VPS54: variants seen among roughly 807,000 people sequenced by gnomAD.
The protein encoded by VPS54 is vacuolar protein sorting-associated protein 54.
A neutral mutation model predicts 121.5 loss-of-function variants in VPS54; 45 were observed. The ratio of observed to expected loss-of-function variants is 0.37; its 90% CI spans 0.29 to 0.47. VPS54 has a LOEUF of 0.47. Among genes scored for constraint, VPS54 ranks in the 20% least tolerant of loss-of-function variants. The pLI is 0.99. For missense variants in VPS54, 1,090 were observed against 1,131.4 expected, an observed-to-expected ratio of 0.96 and a Z score of 0.52; for synonymous variants, 371 against 385.8, an observed-to-expected ratio of 0.96 and a Z score of 0.45.
At chr2:63,916,652 T>C (rs150590269) in intron 16 of VPS54, among the ~76,000 whole-genome samples, 4 of 152,166 alleles carry the variant, frequency 2.6e-5, no homozygotes, top group African/African-American at 9.6e-5. Context: ...AGATTTCTTG[T>C]TATATGAGAA....
At chr2:64,001,096 G>C (rs989693916) in intron 1 of VPS54, among the ~76,000 whole-genome samples, 2 of 152,166 alleles carry the variant, frequency 1.3e-5, no homozygotes, top group Non-Finnish European at 2.9e-5. Flanking sequence ...CATGAGACAC[G>C]GTCATTCCCA....
chr2:64,010,152 G>A (rs1678362708), intron 1 of VPS54, among the ~76,000 whole-genome samples: 1 of 151,944 alleles, frequency 6.6e-6, no homozygotes, highest in African/African-American at 2.4e-5. Context: ...CCATATAATT[G>A]ACTTATAAAT....
intron 7 of VPS54, among the ~76,000 whole-genome samples, chr2:63,949,995 T>C (rs1675164441): frequency 6.6e-6 from 1 of 152,190 alleles, no homozygotes; most frequent in Non-Finnish European, 1.5e-5. Flanking sequence ...CCTCATTGTC[T>C]GGCATTGGTT....
At chr2:63,931,672 A>C (rs1302933705) in intron 12 of VPS54, among the ~76,000 whole-genome samples, 3 of 152,252 alleles carry the variant, frequency 2.0e-5, no homozygotes, top group Non-Finnish European at 2.9e-5. Context: ...AATTAAACGG[A>C]AGAGCTTCTG....
chr2:64,013,977 G>C (rs2104711830), intron 1 of VPS54, among the ~76,000 whole-genome samples: 1 of 148,972 alleles, frequency 6.7e-6, no homozygotes, highest in South Asian at 2.1e-4. Flanking sequence ...TAGATCACAA[G>C]GTCAGGAGTT....
intron 9 of VPS54, 21 bp downstream of exon 9, chr2:63,947,362 C>A: frequency 2.0e-6 from 3 of 1,518,566 alleles, no homozygotes; most frequent in South Asian, 2.4e-5. Flanking sequence ...CAAAATATGT[C>A]AAATAAAAAT....
chr2:63,936,437 A>G (rs1007614327), intron 11 of VPS54, among the ~76,000 whole-genome samples: 6 of 152,220 alleles, frequency 3.9e-5, no homozygotes, highest in African/African-American at 1.2e-4. Context: ...CAAAAACACC[A>G]GGACAGCTAA....
At chr2:63,990,928 T>G (rs2104642354) in intron 1 of VPS54, among the ~76,000 whole-genome samples, 1 of 152,338 alleles carries the variant, frequency 6.6e-6, no homozygotes, top group Middle Eastern at 3.4e-3. Context: ...TGAGGTCATT[T>G]TGCTTCCTTT....
chr2:63,975,024 A>T (rs939446455), intron 3 of VPS54: 3 of 1,549,466 alleles, frequency 1.9e-6, no homozygotes, highest in Non-Finnish European at 2.6e-6. Context: ...TAGTTTCCCC[A>T]TTAGCTACAG....
chr2:63,967,664 A>G (rs1462383517), intron 5 of VPS54, among the ~76,000 whole-genome samples: 1 of 141,728 alleles, frequency 7.1e-6, no homozygotes, highest in Non-Finnish European at 1.5e-5. Context: ...GGTTGCAGTG[A>G]GCCAAGATTG....
intron 1 of VPS54, among the ~76,000 whole-genome samples, chr2:64,005,949 T>C (rs1055018903): frequency 6.6e-6 from 1 of 152,118 alleles, no homozygotes; most frequent in Non-Finnish European, 1.5e-5. Flanking sequence ...TAAACCACCA[T>C]ATATGAGGAA....
chr2:63,940,616 G>A (rs189865950), intron 11 of VPS54, among the ~76,000 whole-genome samples: 3 of 152,160 alleles, frequency 2.0e-5, no homozygotes, highest in African/African-American at 7.2e-5. Flanking sequence ...AAACATTGAA[G>A]GAAATGTTTC....
intron 7 of VPS54, among the ~76,000 whole-genome samples, chr2:63,952,975 T>C (rs899247252): frequency 1.3e-4 from 20 of 152,078 alleles, no homozygotes; most frequent in African/African-American, 3.6e-4. Context: ...GTTGAATAAA[T>C]CACAATGCAT....
rs1168662298 is a variant in VPS54, at chr2:63,892,301, A to AG, written c.*1128dup. ...TTATACATAATCACCACAGGATATT[A>AG]GGCACTCTGACAGGGTTAGGCAAGA... On this transcript the variant is annotated 3_prime_UTR_variant, in exon 23 of 23. Transcript: ENST00000272322. 6.6e-6 allele frequency: 1 copy of AG among 152,168 alleles called. No homozygotes were observed. Among genetic ancestry groups the AG allele is most frequent in the Non-Finnish European group, 1.5e-5 (1 of 68,024 alleles). 9.4% of individuals were successfully genotyped at this position (152,168 alleles called of 1,614,324 possible).
At chr2:63,930,895 G>C (rs1056814382) in intron 12 of VPS54, among the ~76,000 whole-genome samples, 3 of 152,138 alleles carry the variant, frequency 2.0e-5, no homozygotes, top group African/African-American at 7.2e-5. Context: ...GCCAAATCAT[G>C]AGCGAACTCC....
At chr2:63,980,931 G>C (rs949477602) in intron 3 of VPS54, among the ~76,000 whole-genome samples, 5 of 151,890 alleles carry the variant, frequency 3.3e-5, no homozygotes, top group African/African-American at 4.8e-5. Flanking sequence ...AAAAATATTT[G>C]ATAGGAATAA....
At chr2:63,944,390 C>G (rs374066033) in intron 10 of VPS54, among the ~76,000 whole-genome samples, 8 of 152,148 alleles carry the variant, frequency 5.3e-5, no homozygotes, top group Admixed American at 4.6e-4. Context: ...CTGCTTCCCT[C>G]TACTCAAGGT....
chr2:63,928,874 C>T (rs183649482), intron 12 of VPS54, among the ~76,000 whole-genome samples: 219 of 150,378 alleles, frequency 1.5e-3, no homozygotes, highest in African/African-American at 4.9e-3. Context: ...CAATCTTGGT[C>T]TCTGACGAAA....
chr2:63,990,323 C>T lies in VPS54; in HGVS notation c.-20-6304G>A, dbSNP rs546944231. Reference sequence around the variant, plus strand: ...AAGAGCCAGTACTTATAAGCTCCCGCGGCCACGACTCAGACAGCCCGGGAC... The same window carrying T: ...AAGAGCCAGTACTTATAAGCTCCCGTGGCCACGACTCAGACAGCCCGGGAC... On this transcript the variant is annotated intron_variant, in intron 1 of 22. Coordinates refer to ENST00000272322, the MANE Select transcript of VPS54 (RefSeq NM_016516.3). Among the ~76,000 whole-genome samples, 16 of 150,196 alleles carry T rather than the reference C, an allele frequency of 1.1e-4. No homozygotes were observed. In the South Asian group the frequency reaches 1.7e-3, roughly 16 times the overall value.
Sources: allele counts gnomAD v4.1 joint callset (sites outside exome capture counted in the v4.1 genomes callset), GRCh38; gene constraint gnomAD v4.1.1; transcripts MANE v1.5; gene names NCBI Gene and HGNC (gene_info 2026-07-23, HGNC 2026-07-21).